The following PCDHGA4 variants were observed in gnomAD, a reference collection of about 807,000 sequenced individuals.
PCDHGA4 encodes protocadherin gamma subfamily A, 4.
Under a neutral mutation model 54.6 loss-of-function variants are expected in PCDHGA4, and 38 were observed. The observed-to-expected ratio is 0.70, with a 90% CI of 0.54 to 0.91. PCDHGA4 has a LOEUF of 0.91. PCDHGA4 is among the 40% of genes least tolerant of loss of function. PCDHGA4 has a pLI of 0.00. For missense variants in PCDHGA4, 1,298 were observed against 1,220.9 expected (o/e 1.06, Z -0.94); for synonymous variants, 511 against 512.9 (o/e 1.00, Z 0.05).
At chr5:141,372,535 G>A in intron 1 of PCDHGA4, 2 of 1,613,924 alleles carry the variant, frequency 1.2e-6, no homozygotes, top group Non-Finnish European at 1.7e-6. Flanking sequence ...ATCTCCCTGC[G>A]CCTGCGATGC....
At position 141,431,192 on chromosome 5, in the gene PCDHGA4, A is replaced by T. The variant is rs769745353; in HGVS notation, c.2515-63615A>T. 8.7e-6 allele frequency: 14 copies of T among 1,614,042 alleles called. No homozygotes were observed. Among genetic ancestry groups the T allele is most frequent in the African/African-American group, 2.7e-5 (2 of 74,912 alleles). On this transcript the variant is annotated intron_variant, in intron 1 of 3. Coordinates refer to ENST00000571252, the MANE Select transcript of PCDHGA4 (RefSeq NM_018917.4). This position sits in a 1 kb window ranked among gnomAD's most constrained non-coding sequence, Gnocchi z 4.8. ...TGAATTAGAAATAAAAATTAGTGAA[A>T]ATGCAGCCACTGAGATGCGGTTCCC...
Position 141,490,600 on chromosome 5 carries a change from T to G in PCDHGA4, c.2515-4207T>G. 6.2e-7 allele frequency: 1 copy of G among 1,614,164 alleles called. No homozygotes were observed. Among genetic ancestry groups the G allele is most frequent in the South Asian group, 1.1e-5 (1 of 91,072 alleles). ...AGATGTCAATGACAATGCACCCCGCTTCAACCAGCAGCTTTACACTGCTTA... is the reference window on the plus strand; with the variant it reads ...AGATGTCAATGACAATGCACCCCGCGTCAACCAGCAGCTTTACACTGCTTA... On this transcript the variant is annotated intron_variant, in intron 1 of 3. Coordinates refer to ENST00000571252, the MANE Select transcript of PCDHGA4 (RefSeq NM_018917.4). The surrounding 1 kb of genome is among the most constrained non-coding windows in gnomAD (Gnocchi z 5.4).
intron 1 of PCDHGA4, chr5:141,387,903 G>A: frequency 6.6e-7 from 1 of 1,506,982 alleles, no homozygotes; most frequent in African/African-American, 1.4e-5. Context: ...CGGCGCCGGG[G>A]AGCTGGGCCG....
intron 1 of PCDHGA4, chr5:141,390,341 A>G (rs766269615): frequency 6.3e-7 from 1 of 1,587,420 alleles, no homozygotes; most frequent in Non-Finnish European, 8.6e-7. Flanking sequence ...CATATTCACA[A>G]GAAAATATAC....
Position 141,432,099 on chromosome 5 carries a change from A to G in PCDHGA4, c.2515-62708A>G. On this transcript the variant is annotated intron_variant, in intron 1 of 3. Transcript: ENST00000571252. This position sits in a 1 kb window ranked among gnomAD's most constrained non-coding sequence, Gnocchi z 6.0. ...TCGCTGAACGTGGCAGACACCAACG[A>G]CAACCCGCCGGTCTTCCCTCAGGCC... 6.2e-7 allele frequency: 1 copy of G among 1,614,102 alleles called. No homozygotes were observed. The highest frequency in any genetic ancestry group is 1.1e-5 in the South Asian group (1 of 91,070).
At chr5:141,362,453 A>T in intron 1 of PCDHGA4, 1 of 1,614,024 alleles carries the variant, frequency 6.2e-7, no homozygotes, top group Non-Finnish European at 8.5e-7. Context: ...ATAACCCCGG[A>T]ATTGGTTCCC....
intron 2 of PCDHGA4, among the ~76,000 whole-genome samples, chr5:141,499,352 CA>C (rs2099791418): frequency 6.6e-6 from 1 of 152,058 alleles, no homozygotes; most frequent in South Asian, 2.1e-4. Context: ...AGTCATTCAA[CA>C]AACAAATAGC....
chr5:141,404,741 G>C, intron 1 of PCDHGA4: 1 of 1,614,072 alleles, frequency 6.2e-7, no homozygotes, highest in South Asian at 1.1e-5. Context: ...AGTGGACAGA[G>C]ACTCAGGCCA....
At chr5:141,455,755 T>C (rs1283272521) in intron 1 of PCDHGA4, among the ~76,000 whole-genome samples, 1 of 152,150 alleles carries the variant, frequency 6.6e-6, no homozygotes, top group Non-Finnish European at 1.5e-5. Flanking sequence ...CTGGCCTGGC[T>C]CCTAGAGCCG....
intron 1 of PCDHGA4, 88 bp from the exon 2 acceptor site, chr5:141,494,719 C>T: frequency 6.2e-7 from 1 of 1,605,960 alleles, no homozygotes; most frequent in Non-Finnish European, 8.5e-7. Flanking sequence ...CCACTCCCCT[C>T]CTTCTCTCCC....
chr5:141,486,901 T>A lies in PCDHGA4; in HGVS notation c.2515-7906T>A. The A allele has an allele frequency of 6.2e-7, 1 of 1,614,238 alleles. No homozygotes were observed. Among genetic ancestry groups the A allele is most frequent in the Non-Finnish European group, 8.5e-7 (1 of 1,180,042 alleles). ...CTCGGGCCCGGCCTGGTTCCTTATG[T>A]CCCCAAGCACTGCCTCCATCAGTTG... On this transcript the variant is annotated intron_variant, in intron 1 of 3. Transcript: ENST00000571252. This position sits in a 1 kb window ranked among gnomAD's most constrained non-coding sequence, Gnocchi z 5.0.
chr5:141,434,789 T>C (rs2097718008), intron 1 of PCDHGA4, among the ~76,000 whole-genome samples: 1 of 152,008 alleles, frequency 6.6e-6, no homozygotes, highest in African/African-American at 2.4e-5. Context: ...AAAAAATTTT[T>C]TTTTCTGAGC....
At chr5:141,427,132 G>T (rs755992698) in intron 1 of PCDHGA4, 1 of 457,106 alleles carries the variant, frequency 2.2e-6, no homozygotes, top group Non-Finnish European at 4.4e-6. Context: ...AAATCCCTAC[G>T]AGATGATATT....
At chr5:141,388,866 C>T in intron 1 of PCDHGA4, 1 of 1,613,950 alleles carries the variant, frequency 6.2e-7, no homozygotes, top group Non-Finnish European at 8.5e-7. Flanking sequence ...AATGATTGCG[C>T]AATGCACAGT....
intron 1 of PCDHGA4, chr5:141,419,150 C>T (rs1276109093): frequency 1.2e-6 from 2 of 1,613,850 alleles, no homozygotes; most frequent in Admixed American, 3.3e-5. Flanking sequence ...GGGCAAGCCT[C>T]CGTTATCCTC....
At chr5:141,478,165 C>G (rs780594020) in intron 1 of PCDHGA4, 13 of 1,613,920 alleles carry the variant, frequency 8.1e-6, no homozygotes, top group African/African-American at 1.3e-5. Flanking sequence ...GCTCTGCCCC[C>G]CGGGAGCAGA....
Position 141,493,685 on chromosome 5 carries a change from G to A in PCDHGA4, c.2515-1122G>A, listed in dbSNP as rs139973755. ...CCATGGCAGCCCCAGAATGGTGCTG[G>A]TGACTCCCGATACACCTGGAATGCT... On this transcript the variant is annotated intron_variant, in intron 1 of 3. Transcript: ENST00000571252. The surrounding 1 kb of genome is among the most constrained non-coding windows in gnomAD (Gnocchi z 4.3). 1.1e-3 allele frequency among the ~76,000 whole-genome samples: 165 copies of A among 152,282 alleles called. 3 individuals carry two copies. The highest frequency in any genetic ancestry group is 8.2e-3 in the Admixed American group (125 of 15,298).
At chr5:141,454,796 A>ATTTTTTTTTTTTTTTTTTTTTTTT (rs61612330) in intron 1 of PCDHGA4, among the ~76,000 whole-genome samples, 4 of 77,456 alleles carry the variant, frequency 5.2e-5, no homozygotes, top group Non-Finnish European at 9.3e-5. Flanking sequence ...CATGGTTCTA[A>ATTTTTTTTTTTTTTTTTTTTTTTT]TTTTTTTTTT....
Position 141,393,179 on chromosome 5 carries a change from A to T in PCDHGA4, c.2514+35558A>T, listed in dbSNP as rs375085176. 8.7e-6 allele frequency: 14 copies of T among 1,613,202 alleles called. 2 individuals are homozygous for T. In the East Asian group the frequency reaches 2.5e-4, roughly 28 times the overall value. ...GAAAACTCTTTGGGGTAGAAATAGA[A>T]ATAATTGATATTAACGATAATAACC... On this transcript the variant is annotated intron_variant, in intron 1 of 3. Coordinates refer to ENST00000571252, the MANE Select transcript of PCDHGA4 (RefSeq NM_018917.4).
Sources: allele counts gnomAD v4.1 joint callset (sites outside exome capture counted in the v4.1 genomes callset), GRCh38; gene constraint gnomAD v4.1.1; non-coding constraint Gnocchi (gnomAD v3.1); transcripts MANE v1.5; gene names NCBI Gene and HGNC (gene_info 2026-07-23, HGNC 2026-07-21).